CDH5: variants seen among roughly 807,000 people sequenced by gnomAD.
The protein encoded by CDH5 is cadherin 5, also known as cadherin-5.
Under a neutral mutation model 62.0 loss-of-function variants are expected in CDH5, and 28 were observed. The ratio of observed to expected loss-of-function variants is 0.45; its 90% CI spans 0.33 to 0.62. The LOEUF is 0.62. CDH5 is among the 20% of genes least tolerant of loss of function. CDH5 has a pLI of 0.02. For missense variants in CDH5, 940 were observed against 1,065.1 expected, an observed-to-expected ratio of 0.88 and a Z score of 1.63; for synonymous variants, 464 against 445.8, an observed-to-expected ratio of 1.04 and a Z score of -0.52.
Position 66,402,824 on chromosome 16 carries a change from G to T in CDH5, c.2010G>T (p.Gly670=). Residue 670 remains glycine, a synonymous_variant, in exon 12 of 12, where the codon GGG becomes GGT. Coordinates refer to ENST00000341529, the MANE Select transcript of CDH5 (RefSeq NM_001795.5). The part of the protein sequence containing the change: ...VSVLNSVRRG[G]AKPPRPALDA... The stretch of plus-strand genomic sequence containing the variant: ...TGCTCAACTCGGTGCGCCGCGGCGG[G>T]GCCAAGCCCCCGCGGCCCGCGCTGG... The T allele has an allele frequency of 6.3e-7, 1 of 1,599,638 alleles. No individual in the cohort carries two copies.
In CDH5 at chr16:66,398,516, T is replaced by C. The variant is rs758434448; in HGVS notation, c.1546T>C (p.Phe516Leu). 8 of 1,606,708 alleles carry C rather than the reference T, an allele frequency of 5.0e-6. No individual in the cohort carries two copies. Among genetic ancestry groups the C allele is most frequent in the Non-Finnish European group, 6.8e-6 (8 of 1,173,206 alleles). Residue 516 changes from phenylalanine (F) to leucine (L), a missense_variant, in exon 10 of 12, where the codon TTC (phenylalanine) becomes CTC (leucine). Physicochemically the swap from Phe to Leu is conservative, Grantham distance 22. Transcript: ENST00000341529. ...AACACCACGAAACGTGAAGTTCAAA[T>C]TCATCTTGAATACTGAGAACAACTT... The part of the protein sequence containing the change: ...DITPRNVKFK[F>L]ILNTENNFTL...
chr16:66,375,749 C>T (rs1042170576), intron 1 of CDH5, among the ~76,000 whole-genome samples: 1 of 150,994 alleles, frequency 6.6e-6, no homozygotes, highest in African/African-American at 2.4e-5. Context: ...ATTTTTCTTT[C>T]GTCAATAAGA....
In CDH5 at chr16:66,403,085, C is replaced by T. The variant is rs1961325758; in HGVS notation, c.2271C>T (p.Tyr757=). Residue 757 remains tyrosine, a synonymous_variant, in exon 12 of 12, where the codon TAC becomes TAT. Coordinates refer to ENST00000341529, the MANE Select transcript of CDH5 (RefSeq NM_001795.5). This position sits in a 1 kb window ranked among gnomAD's most constrained non-coding sequence, Gnocchi z 4.3. ...GTDSSDSDVD[Y]DFLNDWGPRF... ...ACTCATCCGACTCTGACGTGGATTA[C>T]GACTTCCTTAACGACTGGGGACCCA... 3 of 1,613,654 alleles carry T rather than the reference C, an allele frequency of 1.9e-6. No individual in the cohort carries two copies. The highest frequency in any genetic ancestry group is 1.7e-5 in the Admixed American group (1 of 59,972).
At chr16:66,377,177 T>A (rs1394356499) in intron 1 of CDH5, 2 of 152,244 alleles carry the variant, frequency 1.3e-5, no homozygotes, top group Non-Finnish European at 2.9e-5. Context: ...CTCCCCTGAG[T>A]CAGGGACCAG....
chr16:66,384,795 G>A (rs1340448109), intron 2 of CDH5, among the ~76,000 whole-genome samples: 2 of 151,844 alleles, frequency 1.3e-5, no homozygotes, highest in African/African-American at 4.8e-5. Context: ...GTGAAACCCT[G>A]TCTCTACTAA....
intron 1 of CDH5, among the ~76,000 whole-genome samples, chr16:66,378,110 G>A (rs765302632): frequency 6.6e-6 from 1 of 152,188 alleles, no homozygotes; most frequent in African/African-American, 2.4e-5. Context: ...ACCACTCACT[G>A]TAAGATCTGG....
intron 2 of CDH5, among the ~76,000 whole-genome samples, chr16:66,384,828 C>T (rs1280466472): frequency 1.3e-5 from 2 of 151,988 alleles, no homozygotes; most frequent in South Asian, 2.1e-4. Context: ...TAGCCAGGCA[C>T]GGTGGCACAT....
chr16:66,376,292 C>A lies in CDH5; in HGVS notation c.-19-3027C>A, dbSNP rs559005092. 2.6e-5 allele frequency: 4 copies of A among 152,192 alleles called. No homozygotes were observed. In the East Asian group the frequency reaches 7.7e-4, roughly 29 times the overall value. 9.4% of individuals were successfully genotyped at this position (152,192 alleles called of 1,614,324 possible). ...AGAGGAATTTTTAGCTCCATTAAAA[C>A]CTTAGGGGACCACATTCATATGTGC... On this transcript the variant is annotated intron_variant, in intron 1 of 11. Coordinates refer to ENST00000341529, the MANE Select transcript of CDH5 (RefSeq NM_001795.5).
In CDH5 at chr16:66,403,049, C is replaced by T; in HGVS notation, c.2235C>T (p.Ser745=). 6.2e-7 allele frequency: 1 copy of T among 1,613,552 alleles called. No homozygotes were observed. The highest frequency in any genetic ancestry group is 8.5e-7 in the Non-Finnish European group (1 of 1,179,836). Residue 745 remains serine (S), a synonymous_variant, in exon 12 of 12, where the codon TCC becomes TCT. Transcript: ENST00000341529. The surrounding 1 kb of genome is among the most constrained non-coding windows in gnomAD (Gnocchi z 4.3). ...GSESIAESLS[S]LGTDSSDSDV... ...AGTCCATAGCCGAGTCCCTCAGCTC[C>T]CTGGGCACCGACTCATCCGACTCTG...
chr16:66,371,702 A>G (rs1960693842), intron 1 of CDH5, among the ~76,000 whole-genome samples: 2 of 152,068 alleles, frequency 1.3e-5, no homozygotes, highest in Non-Finnish European at 1.5e-5. Context: ...CAAAGCCCAG[A>G]CTTGGCCCCT....
chr16:66,400,719 T>C, intron 10 of CDH5, 52 bp from the exon 11 acceptor site: 1 of 1,612,912 alleles, frequency 6.2e-7, no homozygotes, highest in South Asian at 1.1e-5. Flanking sequence ...GAGCCAGGTT[T>C]CCCCATCTGT....
intron 1 of CDH5, 62 bp from the exon 2 acceptor site, chr16:66,379,257 G>A: frequency 8.2e-7 from 1 of 1,212,690 alleles, no homozygotes; most frequent in Non-Finnish European, 1.2e-6. Flanking sequence ...TGAAATACCT[G>A]TGTCTAAGTA....
rs150000255 is a variant in CDH5 at position 66,379,435 on chromosome 16, G to A, written c.98G>A (p.Arg33Gln). ...VAAAGANPAQ[R>Q]DTHSLLPTHR... ...GCAGCAGGTGCTAACCCTGCCCAAC[G>A]GGACACCCACAGCCTGCTGCCCACC... Residue 33 changes from arginine to glutamine, a missense_variant, in exon 2 of 12, where the codon CGG becomes CAG. Arg to Gln is a conservative substitution (Grantham distance 43, BLOSUM62 1). Coordinates refer to ENST00000341529, the MANE Select transcript of CDH5 (RefSeq NM_001795.5). 321 of 1,614,066 alleles carry A rather than the reference G, an allele frequency of 2.0e-4. No individual in the cohort carries two copies. The highest frequency in any genetic ancestry group is 2.6e-4 in the Non-Finnish European group (306 of 1,180,048).
intron 2 of CDH5, among the ~76,000 whole-genome samples, chr16:66,384,077 C>A (rs935194117): frequency 1.5e-5 from 2 of 131,632 alleles, no homozygotes; most frequent in Non-Finnish European, 3.2e-5. Context: ...AGGAGTCCAG[C>A]CTTTTTTTTT....
chr16:66,372,856 A>G (rs1279866163), intron 1 of CDH5, among the ~76,000 whole-genome samples: 1 of 152,198 alleles, frequency 6.6e-6, no homozygotes, highest in Non-Finnish European at 1.5e-5. Flanking sequence ...TGGGTCCTCC[A>G]GACCTCCCCA....
In CDH5 at chr16:66,390,426, GA is replaced by G; in HGVS notation, c.807del (p.Asp270ThrfsTer23). On this transcript the variant is annotated frameshift_variant, in exon 6 of 12. Coordinates refer to ENST00000341529, the MANE Select transcript of CDH5 (RefSeq NM_001795.5). LOFTEE classifies it high-confidence loss of function. ...AGCCAAGTACACATTTGTCGTGCCTGAAGACACCCGTGTGGGCACCTCTGTG... is the reference window on the plus strand; with the variant it reads ...AGCCAAGTACACATTTGTCGTGCCTGAGACACCCGTGTGGGCACCTCTGTG... ...TQTKYTFVVP[E>X]DTRVGTSVGS... 8 of 1,613,996 alleles carry G rather than the reference GA, an allele frequency of 5.0e-6. No homozygotes were observed. Among genetic ancestry groups the G allele is most frequent in the Non-Finnish European group, 6.8e-6 (8 of 1,179,908 alleles).
At chr16:66,390,779 C>T (rs1210993216) in intron 6 of CDH5, among the ~76,000 whole-genome samples, 189 bp downstream of exon 6, 1 of 152,174 alleles carries the variant, frequency 6.6e-6, no homozygotes, top group South Asian at 2.1e-4. Context: ...AATCTTAAGG[C>T]CATGACTGGG....
At chr16:66,394,967 C>A in intron 7 of CDH5, among the ~76,000 whole-genome samples, 1 of 146,966 alleles carries the variant, frequency 6.8e-6, no homozygotes, top group Non-Finnish European at 1.5e-5. Flanking sequence ...CCTCCCACCT[C>A]AGCCTCTGAG....
chr16:66,387,399 G>A lies in CDH5; in HGVS notation c.499+302G>A, dbSNP rs567674484. Among the ~76,000 whole-genome samples the A allele has an allele frequency of 4.6e-5, 7 of 151,972 alleles. No individual in the cohort carries two copies. In the South Asian group the frequency reaches 1.2e-3, roughly 27 times the overall value. ...TGATCCTGGACTGAGCCCTGATCCTGATCATGGGTTGAACCCTGACACTGG... is the reference window on the plus strand; with the variant it reads ...TGATCCTGGACTGAGCCCTGATCCTAATCATGGGTTGAACCCTGACACTGG... On this transcript the variant is annotated intron_variant, in intron 3 of 11. Coordinates refer to ENST00000341529, the MANE Select transcript of CDH5 (RefSeq NM_001795.5).
Sources: gnomAD v4.1 joint callset for allele counts (sites outside exome capture counted in the v4.1 genomes callset) on GRCh38, gnomAD v4.1.1 for gene constraint, Gnocchi (gnomAD v3.1) non-coding constraint, MANE v1.5 for transcripts, NCBI Gene and HGNC (gene_info 2026-07-23, HGNC 2026-07-21) for gene names.